The following INTS4 variants were observed in gnomAD, a reference collection of about 807,000 sequenced individuals.
The protein encoded by INTS4 is integrator complex subunit 4, also known as MSTP093.
Under a neutral mutation model 119.5 loss-of-function variants are expected in INTS4, and 70 were observed. The observed-to-expected ratio is 0.59, with a 90% CI of 0.48 to 0.71. The LOEUF is 0.71. Ranked by LOEUF, INTS4 falls within the 30% of genes least tolerant of loss-of-function variation. INTS4 has a pLI of 0.00. For missense variants in INTS4, 867 were observed against 1,173.2 expected (o/e 0.74, Z 3.81); for synonymous variants, 316 against 419.6 (o/e 0.75, Z 3.02).
chr11:77,913,096 T>A (rs1201176009), intron 15 of INTS4, among the ~76,000 whole-genome samples: 1 of 152,156 alleles, frequency 6.6e-6, no homozygotes, highest in African/African-American at 2.4e-5. Context: ...AGCACTTTCA[T>A]GGACTTAACA....
rs1251720331 is a variant in INTS4, at chr11:77,898,091, C to T, written c.2228+3330G>A. ...TTTGGCCTCCCAAAGTCTGGGATTACAGGCATGAGCCACTGCATCTACCCC... is the reference window on the plus strand; with the variant it reads ...TTTGGCCTCCCAAAGTCTGGGATTATAGGCATGAGCCACTGCATCTACCCC... On this transcript the variant is annotated intron_variant, in intron 18 of 22. Coordinates refer to ENST00000534064, the MANE Select transcript of INTS4 (RefSeq NM_033547.4). Among the ~76,000 whole-genome samples the T allele has an allele frequency of 2.0e-5, 3 of 152,192 alleles. No individual in the cohort carries two copies. In the South Asian group the frequency reaches 6.2e-4, roughly 31 times the overall value.
chr11:77,949,809 C>T lies in INTS4; in HGVS notation c.918+6133G>A, dbSNP rs538055256. ...TCAGCCATTGTGGAAGACAGCATGG[C>T]GATTCCTCAAGGATCTAGAACCAGA... On this transcript the variant is annotated intron_variant, in intron 8 of 22. Transcript: ENST00000534064. Among the ~76,000 whole-genome samples the T allele has an allele frequency of 1.9e-3, 290 of 152,244 alleles. 1 individual carries two copies. The highest frequency in any genetic ancestry group is 6.1e-3 in the African/African-American group (252 of 41,544).
chr11:77,968,386 T>C (rs1437667758), intron 4 of INTS4, among the ~76,000 whole-genome samples: 1 of 152,176 alleles, frequency 6.6e-6, no homozygotes, highest in Non-Finnish European at 1.5e-5. Context: ...AAAAATAAGC[T>C]AGGCACAAAA....
At chr11:77,880,571 G>A (rs978050508) in intron 22 of INTS4, among the ~76,000 whole-genome samples, 1 of 152,088 alleles carries the variant, frequency 6.6e-6, no homozygotes, top group Non-Finnish European at 1.5e-5. Context: ...ATCAAAATAG[G>A]TACCTATATC....
intron 11 of INTS4, 93 bp from the exon 12 acceptor site, chr11:77,924,985 T>C (rs1280385372): frequency 1.1e-6 from 1 of 907,568 alleles, no homozygotes; most frequent in Non-Finnish European, 1.6e-6. Flanking sequence ...CACCTTCCCA[T>C]CTAGGGTGGC....
intron 4 of INTS4, among the ~76,000 whole-genome samples, chr11:77,972,845 T>G (rs1855786358): frequency 6.6e-6 from 1 of 151,542 alleles, no homozygotes; most frequent in African/African-American, 2.4e-5. Context: ...TTTTTTTTTT[T>G]TAATACAGAT....
chr11:77,924,986 C>T (rs938939078), intron 11 of INTS4, 94 bp from the exon 12 acceptor site: 9 of 885,676 alleles, frequency 1.0e-5, no homozygotes, highest in South Asian at 2.1e-5. Flanking sequence ...ACCTTCCCAT[C>T]TAGGGTGGCC....
rs556766151 is a variant in INTS4 at position 77,916,574 on chromosome 11, G to A, written c.1922+2247C>T. Among the ~76,000 whole-genome samples the A allele has an allele frequency of 1.5e-4, 23 of 152,330 alleles. No individual in the cohort carries two copies. The South Asian group carries it at 4.6e-3, about 30-fold the overall frequency. The stretch of plus-strand genomic sequence containing the variant: ...TAAACAAAATGAGTCTGCCCTCAAA[G>A]CTCCATTCACTCAATCACTATACTA... On this transcript the variant is annotated intron_variant, in intron 15 of 22. Coordinates refer to ENST00000534064, the MANE Select transcript of INTS4 (RefSeq NM_033547.4).
At chr11:77,912,370 A>AC (rs1953108899) in intron 15 of INTS4, among the ~76,000 whole-genome samples, 1 of 152,106 alleles carries the variant, frequency 6.6e-6, no homozygotes, top group South Asian at 2.1e-4. Context: ...TCCAAAAAAA[A>AC]AAAAAAACAG....
chr11:77,981,528 A>G lies in INTS4; in HGVS notation c.295T>C (p.Leu99=), dbSNP rs765178789. ...GGTGAAAATCCTGCTGTCTTTGATA[A>G]TAAACCCAACAATGATGCAATTTTC... The part of the protein sequence containing the change: ...RLKIASLLGL[L]SKTAGFSPDC... Residue 99 remains leucine (L), a synonymous_variant, in exon 3 of 23, where the codon TTA becomes CTA. Transcript: ENST00000534064. 3.2e-6 allele frequency: 5 copies of G among 1,586,622 alleles called. No individual in the cohort carries two copies. The highest frequency in any genetic ancestry group is 2.3e-5 in the South Asian group (2 of 85,818).
chr11:77,937,823 ATTTATTTATT>A (rs1953835334), intron 10 of INTS4, among the ~76,000 whole-genome samples: 1 of 26,060 alleles, frequency 3.8e-5, no homozygotes, highest in Non-Finnish European at 9.4e-5. Flanking sequence ...TTCTGTATTT[ATTTATTTATT>A]TATTTATTTA....
chr11:77,929,368 T>C (rs1021138435), intron 10 of INTS4, among the ~76,000 whole-genome samples: 6 of 152,156 alleles, frequency 3.9e-5, no homozygotes, highest in African/African-American at 1.4e-4. Context: ...ACATGGACTT[T>C]AGTATCACAA....
downstream of INTS4, chr11:77,878,626 T>C: frequency 1.7e-6 from 1 of 595,870 alleles, no homozygotes; most frequent in South Asian, 2.1e-5. Context: ...TGGATCTTTG[T>C]GTTTCACACC....
At chr11:77,886,441 G>A (rs149996210) in intron 21 of INTS4, among the ~76,000 whole-genome samples, 45 of 151,736 alleles carry the variant, frequency 3.0e-4, no homozygotes, top group African/African-American at 1.1e-3. Context: ...GCGAAGGCCC[G>A]CGGCGGGTGT....
intron 5 of INTS4, 22 bp downstream of exon 5, chr11:77,960,931 T>C: frequency 6.3e-7 from 1 of 1,584,062 alleles, no homozygotes; most frequent in Non-Finnish European, 8.6e-7. Context: ...TAGCCCCAAC[T>C]AGTTTCCATA....
chr11:77,881,311 C>A (rs1421534687), intron 22 of INTS4, among the ~76,000 whole-genome samples: 1 of 152,204 alleles, frequency 6.6e-6, no homozygotes. Context: ...TACGTGGCAG[C>A]ATCCTGCCTC....
chr11:77,961,153 A>AAG lies in INTS4; in HGVS notation c.472-16_472-15insCT, dbSNP rs751955348. The stretch of plus-strand genomic sequence containing the variant: ...TCTGTCAGATGCTATTAAAAAAAAA[A>AAG]AAAAAAAGAAAAAAAGAAAAAGAAA... On this transcript the variant is annotated splice_polypyrimidine_tract_variant and intron_variant, in intron 4 of 22. Coordinates refer to ENST00000534064, the MANE Select transcript of INTS4 (RefSeq NM_033547.4). 3.2e-6 allele frequency: 5 copies of AAG among 1,544,108 alleles called. No homozygotes were observed. The highest frequency in any genetic ancestry group is 2.6e-6 in the Non-Finnish European group (3 of 1,154,982).
At chr11:77,901,938 A>G (rs1952790140) in intron 17 of INTS4, among the ~76,000 whole-genome samples, 1 of 152,234 alleles carries the variant, frequency 6.6e-6, no homozygotes, top group South Asian at 2.1e-4. Flanking sequence ...ATTAAGCATC[A>G]GGAACTATTA....
intron 7 of INTS4, among the ~76,000 whole-genome samples, chr11:77,958,382 A>G (rs1229126089): frequency 6.6e-6 from 1 of 152,214 alleles, no homozygotes; most frequent in Non-Finnish European, 1.5e-5. Context: ...TCTCAAACTC[A>G]TCTGGTATCT....
Sources: gnomAD v4.1 joint callset for allele counts (sites outside exome capture counted in the v4.1 genomes callset) on GRCh38, gnomAD v4.1.1 for gene constraint, MANE v1.5 for transcripts, NCBI Gene and HGNC (gene_info 2026-07-23, HGNC 2026-07-21) for gene names.